Variants in NPSR1 observed in about 807,000 individuals in gnomAD.
NPSR1 encodes neuropeptide S receptor.
A neutral mutation model predicts 46.9 loss-of-function variants in NPSR1; 48 were observed. The ratio of observed to expected loss-of-function variants is 1.02; its 90% CI spans 0.81 to 1.30. The LOEUF is 1.30. Ranked by LOEUF, NPSR1 falls within the 50% of genes most tolerant of loss-of-function variation. NPSR1 has a pLI of 0.00. For synonymous variants in NPSR1, 176 were observed against 168.1 expected, an observed-to-expected ratio of 1.05 and a Z score of -0.36; for missense variants, 450 against 449.5, an observed-to-expected ratio of 1.00 and a Z score of -0.01.
chr7:34,792,652 T>C lies in NPSR1; in HGVS notation c.384+14087T>C, dbSNP rs537449206. Among the ~76,000 whole-genome samples the C allele has an allele frequency of 4.9e-4, 59 of 121,198 alleles. 1 individual carries two copies. Among genetic ancestry groups the C allele is most frequent in the Non-Finnish European group, 5.9e-4 (36 of 60,898 alleles). 79.5% of individuals were successfully genotyped at this position (121,198 alleles called of 152,430 possible). ...GTGTGTGTGTATGTGTATATATATA[T>C]GTATATATATATTTATATATATGTA... On this transcript the variant is annotated intron_variant, in intron 3 of 8. Transcript: ENST00000360581.
At chr7:34,804,663 T>TCTA (rs80319219) in intron 3 of NPSR1, among the ~76,000 whole-genome samples, 22,082 of 152,010 alleles carry the variant, frequency 0.15, 2,113 homozygotes, top group East Asian at 0.32. Context: ...CTGAACTAGA[T>TCTA]GTCTTAGATA....
intron 1 of NPSR1, among the ~76,000 whole-genome samples, chr7:34,662,242 G>A (rs2530556): frequency 0.28 from 42,826 of 151,978 alleles, 7,636 homozygotes; most frequent in African/African-American, 0.51. Context: ...TACACAATTA[G>A]TCTATTGTTT....
intron 3 of NPSR1, among the ~76,000 whole-genome samples, chr7:34,790,065 T>C (rs1014440201): frequency 6.6e-6 from 1 of 152,046 alleles, no homozygotes; most frequent in Non-Finnish European, 1.5e-5. Flanking sequence ...TCAGACAAGA[T>C]ACTATGAGAA....
chr7:34,711,019 A>G (rs2128702118), intron 2 of NPSR1: 2 of 355,316 alleles, frequency 5.6e-6, no homozygotes, highest in Non-Finnish European at 1.1e-5. Context: ...CAGAACGCAA[A>G]TTGGCATTTG....
intron 2 of NPSR1, among the ~76,000 whole-genome samples, chr7:34,730,591 C>T (rs563983300): frequency 9.5e-4 from 144 of 152,256 alleles, no homozygotes; most frequent in African/African-American, 3.4e-3. Flanking sequence ...GAGCGTGGTG[C>T]TAGTGGGCAT....
At chr7:34,746,462 A>G (rs981007075) in intron 2 of NPSR1, among the ~76,000 whole-genome samples, 5 of 152,202 alleles carry the variant, frequency 3.3e-5, no homozygotes, top group Non-Finnish European at 4.4e-5. Context: ...ATAGTTATGT[A>G]TGTATGTATA....
chr7:34,876,562 A>G (rs1304637610), intron 8 of NPSR1, among the ~76,000 whole-genome samples: 5 of 152,226 alleles, frequency 3.3e-5, no homozygotes, highest in African/African-American at 1.2e-4. Context: ...GGCATGATTC[A>G]TCTCAACATA....
At chr7:34,826,193 T>A (rs938357625) in intron 4 of NPSR1, among the ~76,000 whole-genome samples, 1 of 152,176 alleles carries the variant, frequency 6.6e-6, no homozygotes, top group Non-Finnish European at 1.5e-5. Flanking sequence ...TTAATCAGAT[T>A]GCTATTATAA....
At chr7:34,720,271 T>C (rs1783785186) in intron 2 of NPSR1, among the ~76,000 whole-genome samples, 2 of 127,276 alleles carry the variant, frequency 1.6e-5, no homozygotes, top group Non-Finnish European at 3.3e-5. Context: ...CAGAGCAAGA[T>C]TCCGAGAAAA....
At chr7:34,869,850 G>A (rs1375460907) in intron 8 of NPSR1, among the ~76,000 whole-genome samples, 1 of 151,784 alleles carries the variant, frequency 6.6e-6, no homozygotes, top group African/African-American at 2.4e-5. Flanking sequence ...AGCTCATGGA[G>A]ACCAAGGGTG....
At chr7:34,733,767 TCA>T (rs990042605) in intron 2 of NPSR1, among the ~76,000 whole-genome samples, 3 of 152,242 alleles carry the variant, frequency 2.0e-5, no homozygotes, top group Non-Finnish European at 4.4e-5. Flanking sequence ...TGTGTGGAAG[TCA>T]CAGTTTTTCC....
chr7:34,779,511 T>A (rs62462890), intron 3 of NPSR1: 129,985 of 918,086 alleles, frequency 0.14, 10,231 homozygotes, highest in Non-Finnish European at 0.16. Context: ...AAGTAAAATT[T>A]TAATTTTTTT....
intron 2 of NPSR1, among the ~76,000 whole-genome samples, chr7:34,708,212 T>C (rs1794204998): frequency 6.6e-6 from 1 of 152,218 alleles, no homozygotes; most frequent in Admixed American, 6.5e-5. Flanking sequence ...GGAACTCTCT[T>C]CCACATGCAA....
At chr7:34,693,363 C>A (rs1257516825) in intron 2 of NPSR1, among the ~76,000 whole-genome samples, 1 of 152,084 alleles carries the variant, frequency 6.6e-6, no homozygotes, top group Non-Finnish European at 1.5e-5. Flanking sequence ...TGACTATGAA[C>A]ACCTCTGTGC....
intron 8 of NPSR1, among the ~76,000 whole-genome samples, chr7:34,872,352 T>G (rs542607320): frequency 9.2e-5 from 14 of 152,066 alleles, no homozygotes; most frequent in Admixed American, 5.2e-4. Flanking sequence ...GGACCTATGA[T>G]GGAAGGGACC....
chr7:34,868,789 T>C (rs1791383005), intron 8 of NPSR1, among the ~76,000 whole-genome samples: 1 of 151,648 alleles, frequency 6.6e-6, no homozygotes, highest in East Asian at 1.9e-4. Context: ...GCAGGGTCAC[T>C]AGAAGTCTGT....
Position 34,671,163 on chromosome 7 carries a change from G to C in NPSR1, c.147+12604G>C, listed in dbSNP as rs980453257. On this transcript the variant is annotated intron_variant, in intron 1 of 8. Transcript: ENST00000360581. ...AACTATAATAACCATTTCTCTTTGTGCAATGTTAAAGGTTTTTAAAAGCAC... is the reference window on the plus strand; with the variant it reads ...AACTATAATAACCATTTCTCTTTGTCCAATGTTAAAGGTTTTTAAAAGCAC... Among the ~76,000 whole-genome samples the C allele has an allele frequency of 6.0e-5, 9 of 149,832 alleles. No individual in the cohort carries two copies. The East Asian group carries it at 1.4e-3, about 23-fold the overall frequency.
chr7:34,870,933 T>G (rs1161805030), intron 8 of NPSR1, among the ~76,000 whole-genome samples: 1 of 151,480 alleles, frequency 6.6e-6, no homozygotes, highest in Non-Finnish European at 1.5e-5. Context: ...GATGGATGGA[T>G]AGATGGATGG....
intron 4 of NPSR1, among the ~76,000 whole-genome samples, chr7:34,812,156 T>C (rs753949346): frequency 1.3e-5 from 2 of 152,184 alleles, no homozygotes; most frequent in Non-Finnish European, 2.9e-5. Flanking sequence ...TTCAGCTTGA[T>C]GCTGATGCTT....
Sources: allele counts gnomAD v4.1 joint callset (sites outside exome capture counted in the v4.1 genomes callset), GRCh38; gene constraint gnomAD v4.1.1; transcripts MANE v1.5; gene names NCBI Gene and HGNC (gene_info 2026-07-23, HGNC 2026-07-21).